RXFP2: variants seen among roughly 807,000 people sequenced by gnomAD.
RXFP2 encodes the protein relaxin family peptide receptor 2.
Under a neutral mutation model 88.6 loss-of-function variants are expected in RXFP2, and 68 were observed. The ratio of observed to expected loss-of-function variants is 0.77; its 90% CI spans 0.63 to 0.94. The LOEUF (loss-of-function observed/expected upper bound fraction) is 0.94. RXFP2 is among the 40% of genes least tolerant of loss of function. The pLI is 0.00. For synonymous variants in RXFP2, 329 were observed against 306.8 expected (o/e 1.07, Z -0.76); for missense variants, 791 against 893.9 (o/e 0.88, Z 1.47).
chr13:31,777,480 C>T lies in RXFP2; in HGVS notation c.713+33C>T, dbSNP rs188537981. 798 of 1,423,144 alleles carry T rather than the reference C, an allele frequency of 5.6e-4. 2 individuals are homozygous for T. In the African/African-American group the frequency reaches 9.9e-3, roughly 18 times the overall value. 88.2% of individuals were successfully genotyped at this position (1,423,144 alleles called of 1,614,324 possible). ...TTCATCAACCTTTCAATACATCTAT[C>T]GATACATTGCAATGACATCTAGCAC... On this transcript the variant is annotated intron_variant, in intron 8 of 17. Transcript: ENST00000298386.
intron 8 of RXFP2, among the ~76,000 whole-genome samples, chr13:31,777,976 A>G (rs1170934945): frequency 6.6e-6 from 1 of 152,106 alleles, no homozygotes. Context: ...TGATCATATA[A>G]CATCATTATT....
chr13:31,777,265 G>C (rs1158585602), intron 7 of RXFP2, 111 bp from the exon 8 acceptor site: 1 of 738,228 alleles, frequency 1.4e-6, no homozygotes, highest in Non-Finnish European at 2.4e-6. Context: ...GAAGGGACAG[G>C]TGAGCCAAGT....
chr13:31,764,243 TCACA>T (rs56132108), intron 3 of RXFP2, among the ~76,000 whole-genome samples: 1,744 of 131,744 alleles, frequency 0.013, 23 homozygotes, highest in East Asian at 0.074. Context: ...TCTCTCTCTT[TCACA>T]CACACACACA....
chr13:31,792,573 A>T, intron 15 of RXFP2, 105 bp from the exon 16 acceptor site: 1 of 1,094,424 alleles, frequency 9.1e-7, no homozygotes, highest in South Asian at 1.3e-5. Context: ...GATGAAAGGA[A>T]CTAGATCTAA....
chr13:31,770,006 C>T (rs1286899265), intron 5 of RXFP2, among the ~76,000 whole-genome samples: 1 of 152,206 alleles, frequency 6.6e-6, no homozygotes, highest in East Asian at 1.9e-4. Context: ...CATCATCATC[C>T]TTCAGATAAG....
At chr13:31,790,360 T>C (rs1178124943) in intron 14 of RXFP2, among the ~76,000 whole-genome samples, 1 of 152,166 alleles carries the variant, frequency 6.6e-6, no homozygotes, top group Non-Finnish European at 1.5e-5. Context: ...AAGCCATGTG[T>C]GTGCCAGGGA....
intron 8 of RXFP2, 120 bp from the exon 9 acceptor site, chr13:31,778,392 A>T: frequency 1.4e-6 from 1 of 711,562 alleles, no homozygotes; most frequent in Non-Finnish European, 2.5e-6. Flanking sequence ...ATAGCTATAT[A>T]TGTTATCATC....
intron 1 of RXFP2, among the ~76,000 whole-genome samples, chr13:31,739,997 T>A (rs984152110): frequency 2.6e-5 from 4 of 152,194 alleles, no homozygotes; most frequent in African/African-American, 9.6e-5. Context: ...GAAAACATTT[T>A]TGGCATTTGT....
intron 7 of RXFP2, 86 bp downstream of exon 7, chr13:31,775,475 C>T: frequency 2.0e-6 from 2 of 995,488 alleles, no homozygotes; most frequent in Non-Finnish European, 3.2e-6. Context: ...CACTATTTGA[C>T]ATATCTTATT....
chr13:31,790,880 G>C (rs575572000), intron 14 of RXFP2, among the ~76,000 whole-genome samples: 24 of 152,182 alleles, frequency 1.6e-4, no homozygotes, highest in African/African-American at 5.5e-4. Context: ...CTCTGAGTAG[G>C]GCATGAGCAT....
intron 1 of RXFP2, among the ~76,000 whole-genome samples, chr13:31,755,102 G>T (rs1871876696): frequency 6.6e-6 from 1 of 152,196 alleles, no homozygotes; most frequent in Non-Finnish European, 1.5e-5. Flanking sequence ...ATAAATGTGA[G>T]GAAACTAAGA....
intron 1 of RXFP2, among the ~76,000 whole-genome samples, chr13:31,753,204 T>C (rs1215522143): frequency 6.6e-6 from 1 of 152,188 alleles, no homozygotes; most frequent in Non-Finnish European, 1.5e-5. Context: ...GGGACTTGTA[T>C]ATCTCCATCA....
rs919668697 is a variant in RXFP2, at chr13:31,792,172, A to T, written c.1375+137A>T. The T allele has an allele frequency of 1.7e-5, 12 of 692,304 alleles. No homozygotes were observed. The Admixed American group carries it at 3.5e-4, about 20-fold the overall frequency. 42.9% of individuals were successfully genotyped at this position (692,304 alleles called of 1,614,324 possible). On this transcript the variant is annotated intron_variant, in intron 15 of 17. Coordinates refer to ENST00000298386, the MANE Select transcript of RXFP2 (RefSeq NM_130806.5). ...ATCCTGGGCACATTTTTTTTTCTAAATATAAAAGTTCTGGCTCTTTGTGGC... is the reference window on the plus strand; with the variant it reads ...ATCCTGGGCACATTTTTTTTTCTAATTATAAAAGTTCTGGCTCTTTGTGGC...
chr13:31,784,229 C>T (rs903300358), intron 11 of RXFP2, among the ~76,000 whole-genome samples: 1 of 151,976 alleles, frequency 6.6e-6, no homozygotes, highest in African/African-American at 2.4e-5. Context: ...GGCAGAGGCA[C>T]ACCAAAAATA....
rs371206708 is a variant in RXFP2 at position 31,772,590 on chromosome 13, A to C, written c.498-2030A>C. 1.3e-4 allele frequency among the ~76,000 whole-genome samples: 20 copies of C among 152,220 alleles called. No individual in the cohort carries two copies. The East Asian group carries it at 3.6e-3, about 28-fold the overall frequency. ...ATCCCCACACATTCTTTAAGCTACT[A>C]TTCTGCAAAGAAGACAGCAGAGACT... On this transcript the variant is annotated intron_variant, in intron 5 of 17. Coordinates refer to ENST00000298386, the MANE Select transcript of RXFP2 (RefSeq NM_130806.5).
At chr13:31,747,178 G>A (rs567558317) in intron 1 of RXFP2, among the ~76,000 whole-genome samples, 2 of 152,268 alleles carry the variant, frequency 1.3e-5, no homozygotes, top group South Asian at 4.1e-4. Context: ...TGAATTGTAA[G>A]TTTTGAAAAG....
chr13:31,802,437 A>G lies in RXFP2; in HGVS notation c.*32A>G. 2 of 1,606,934 alleles carry G rather than the reference A, an allele frequency of 1.2e-6. No individual in the cohort carries two copies. The highest frequency in any genetic ancestry group is 8.5e-7 in the Non-Finnish European group (1 of 1,175,284). ...TTTTGGATCACTGGACTTTCAGTGG[A>G]CTACCTAAAACAGGGGACAGCTTTT... On this transcript the variant is annotated 3_prime_UTR_variant, in exon 18 of 18. Coordinates refer to ENST00000298386, the MANE Select transcript of RXFP2 (RefSeq NM_130806.5).
Position 31,793,096 on chromosome 13 carries a change from A to T in RXFP2, c.1786+8A>T, listed in dbSNP as rs1267946264. ...CTCTTGGAATTTTCCTAGGTAAATTATATTTTTTCATTTCCTGGAAAAACA... is the reference window on the plus strand; with the variant it reads ...CTCTTGGAATTTTCCTAGGTAAATTTTATTTTTTCATTTCCTGGAAAAACA... On this transcript the variant is annotated splice_region_variant and intron_variant, in intron 16 of 17. Coordinates refer to ENST00000298386, the MANE Select transcript of RXFP2 (RefSeq NM_130806.5). 1 of 1,597,788 alleles carries T rather than the reference A, an allele frequency of 6.3e-7. No homozygotes were observed. Among genetic ancestry groups the T allele is most frequent in the African/African-American group, 1.3e-5 (1 of 74,512 alleles).
chr13:31,797,076 G>A (rs1017767370), intron 16 of RXFP2, 125 bp from the exon 17 acceptor site: 15 of 745,168 alleles, frequency 2.0e-5, no homozygotes, highest in East Asian at 5.3e-5. Flanking sequence ...TAAATATTCC[G>A]AAATCCGAAA....
Sources: allele counts gnomAD v4.1 joint callset (sites outside exome capture counted in the v4.1 genomes callset), GRCh38; gene constraint gnomAD v4.1.1; transcripts MANE v1.5; gene names NCBI Gene and HGNC (gene_info 2026-07-23, HGNC 2026-07-21).